SMARCC1: variants seen among roughly 807,000 people sequenced by gnomAD.
SMARCC1 encodes the protein SWI/SNF related BAF chromatin remodeling complex subunit C1.
Under a neutral mutation model 147.4 loss-of-function variants are expected in SMARCC1, and 43 were observed. The ratio of observed to expected loss-of-function variants is 0.29; its 90% confidence interval spans 0.23 to 0.38. The LOEUF is 0.38. SMARCC1 is among the 10% of genes least tolerant of loss of function. The pLI is 1.00. For missense variants in SMARCC1, 1,119 were observed against 1,381.1 expected (o/e 0.81, Z 3.01); for synonymous variants, 495 against 484.4 (o/e 1.02, Z -0.29).
chr3:47,752,769 C>CA (rs1197718723), intron 2 of SMARCC1, among the ~76,000 whole-genome samples: 1 of 151,664 alleles, frequency 6.6e-6, no homozygotes, highest in African/African-American at 2.4e-5. Context: ...AAAAAACAAA[C>CA]AAAAAAAAGT....
chr3:47,639,113 G>A (rs1329918351), intron 21 of SMARCC1, among the ~76,000 whole-genome samples: 1 of 152,134 alleles, frequency 6.6e-6, no homozygotes, highest in Non-Finnish European at 1.5e-5. Context: ...TTGTAGAAAT[G>A]AACTAGGCTG....
In SMARCC1 at chr3:47,704,379, T is replaced by C. The variant is rs577115782; in HGVS notation, c.1040+2030A>G. ...AGGCGTGGTCATTACAAGGCAAATG[T>C]ATTCCATTAAAGTACATGCATACAT... On this transcript the variant is annotated intron_variant, in intron 10 of 27. Coordinates refer to ENST00000254480, the MANE Select transcript of SMARCC1 (RefSeq NM_003074.4). 5.3e-5 allele frequency among the ~76,000 whole-genome samples: 8 copies of C among 152,308 alleles called. No individual in the cohort carries two copies. In the South Asian group the frequency reaches 1.5e-3, roughly 28 times the overall value.
chr3:47,601,562 C>T (rs2032386563), intron 26 of SMARCC1, among the ~76,000 whole-genome samples: 1 of 152,028 alleles, frequency 6.6e-6, no homozygotes, highest in Non-Finnish European at 1.5e-5. Flanking sequence ...ACTGGGCCCT[C>T]ACTGTTCTCT....
In SMARCC1 at chr3:47,638,810, C is replaced by G. The variant is rs202043676; in HGVS notation, c.2321-30G>C. The G allele has an allele frequency of 1.4e-5, 21 of 1,519,974 alleles. No individual in the cohort carries two copies. In the Admixed American group the frequency reaches 1.5e-4, roughly 11 times the overall value. 94.2% of individuals were successfully genotyped at this position (1,519,974 alleles called of 1,614,324 possible). A position where few individuals can be genotyped will look rare whatever the true frequency, so the allele number is the denominator to read the frequency against. ...AAGTAAAAGAATAAGAACAAGTACTCCAATGTGGAAAAAGGTAAAAGCTAT... is the reference window on the plus strand; with the variant it reads ...AAGTAAAAGAATAAGAACAAGTACTGCAATGTGGAAAAAGGTAAAAGCTAT... On this transcript the variant is annotated intron_variant, in intron 21 of 27. Transcript: ENST00000254480.
At chr3:47,691,986 G>A (rs757914071) in intron 12 of SMARCC1, among the ~76,000 whole-genome samples, 1 of 152,106 alleles carries the variant, frequency 6.6e-6, no homozygotes, top group Admixed American at 6.6e-5. Context: ...GTAACAGACC[G>A]AGGCTCCGTC....
chr3:47,609,724 T>G (rs916344388), intron 26 of SMARCC1, among the ~76,000 whole-genome samples: 20 of 152,204 alleles, frequency 1.3e-4, no homozygotes, highest in Admixed American at 3.3e-4. Flanking sequence ...TGAAACCAGG[T>G]CATGGGAGTT....
rs572395429 is a variant in SMARCC1, at chr3:47,758,378, C to T, written c.316-12385G>A. ...TCAAGCAATCTTCCCACTTCAGCCT[C>T]GCAAAAAAAAAAAAACAAAAACTAG... is the stretch of plus-strand genomic sequence containing the variant. On this transcript the variant is annotated intron_variant, in intron 2 of 27. Transcript: ENST00000254480. Among the ~76,000 whole-genome samples, 13 of 146,014 alleles carry T rather than the reference C, an allele frequency of 8.9e-5. No individual in the cohort carries two copies. In the East Asian group the frequency reaches 2.4e-3, roughly 26 times the overall value.
In SMARCC1 at chr3:47,772,800, T is replaced by C; in HGVS notation, c.315+17A>G. 1 of 1,603,310 alleles carries C rather than the reference T, an allele frequency of 6.2e-7. No homozygotes were observed. Among genetic ancestry groups the C allele is most frequent in the Non-Finnish European group, 8.5e-7 (1 of 1,173,170 alleles). On this transcript the variant is annotated intron_variant, in intron 2 of 27. Transcript: ENST00000254480. Reference sequence around the variant, plus strand: ...GCAACTGAGGATGCCCAAATAACAGTAAGCTGATGTACTTACAGGGAGTTT... The same window carrying C: ...GCAACTGAGGATGCCCAAATAACAGCAAGCTGATGTACTTACAGGGAGTTT...
intron 12 of SMARCC1, among the ~76,000 whole-genome samples, chr3:47,692,961 T>C (rs183754577): frequency 1.4e-3 from 207 of 151,920 alleles, no homozygotes; most frequent in African/African-American, 4.7e-3. Flanking sequence ...GAGGTTGCAG[T>C]GAGCCCTGGG....
chr3:47,775,679 G>A (rs933295451), intron 1 of SMARCC1, among the ~76,000 whole-genome samples: 1 of 151,672 alleles, frequency 6.6e-6, no homozygotes, highest in African/African-American at 2.4e-5. Flanking sequence ...GGCTGAGGGA[G>A]GAGAATCGCT....
chr3:47,697,094 G>C (rs1006004672), intron 11 of SMARCC1, among the ~76,000 whole-genome samples: 1 of 152,148 alleles, frequency 6.6e-6, no homozygotes, highest in South Asian at 2.1e-4. Flanking sequence ...GCTGAGGAGG[G>C]TAGATTGCTT....
intron 1 of SMARCC1, 25 bp downstream of exon 1, chr3:47,781,578 G>T (rs1007731518): frequency 6.7e-7 from 1 of 1,486,658 alleles, no homozygotes; most frequent in Non-Finnish European, 8.9e-7. Flanking sequence ...GTGGTCTCCC[G>T]GCCCCCACGG....
At chr3:47,730,711 A>G (rs2034363744) in intron 5 of SMARCC1, among the ~76,000 whole-genome samples, 1 of 151,920 alleles carries the variant, frequency 6.6e-6, no homozygotes, top group African/African-American at 2.4e-5. Context: ...TTAAAAATAC[A>G]AAAAATTAGC....
chr3:47,615,019 T>C (rs1288953058), intron 25 of SMARCC1, among the ~76,000 whole-genome samples: 1 of 152,160 alleles, frequency 6.6e-6, no homozygotes, highest in East Asian at 1.9e-4. Flanking sequence ...GCACTGGCTG[T>C]TTCCAGCACC....
intron 2 of SMARCC1, among the ~76,000 whole-genome samples, chr3:47,770,873 G>C (rs1368669734): frequency 6.6e-6 from 1 of 151,920 alleles, no homozygotes; most frequent in South Asian, 2.1e-4. Context: ...CACATTTACA[G>C]CAAGATCACC....
At chr3:47,711,832 C>T (rs1235553310) in intron 8 of SMARCC1, among the ~76,000 whole-genome samples, 3 of 152,200 alleles carry the variant, frequency 2.0e-5, no homozygotes, top group Non-Finnish European at 4.4e-5. Flanking sequence ...AATTAACAGC[C>T]TGTCCAAGAC....
intron 10 of SMARCC1, 119 bp from the exon 11 acceptor site, chr3:47,701,521 A>G: frequency 2.0e-6 from 2 of 998,588 alleles, no homozygotes; most frequent in African/African-American, 1.6e-5. Context: ...TCACTTTAAA[A>G]GACAAACAGT....
Position 47,729,103 on chromosome 3 carries a change from C to T in SMARCC1, c.577-9G>A. The T allele has an allele frequency of 6.3e-7, 1 of 1,599,832 alleles. No individual in the cohort carries two copies. Among genetic ancestry groups the T allele is most frequent in the Non-Finnish European group, 8.6e-7 (1 of 1,169,144 alleles). On this transcript the variant is annotated splice_polypyrimidine_tract_variant and intron_variant, in intron 5 of 27. Coordinates refer to ENST00000254480, the MANE Select transcript of SMARCC1 (RefSeq NM_003074.4). ...TCATCCGTAAATGTTCCCTGGAAAGCAAATGAACAAAAACCACAAAAATAA... is the reference window on the plus strand; with the variant it reads ...TCATCCGTAAATGTTCCCTGGAAAGTAAATGAACAAAAACCACAAAAATAA...
At chr3:47,756,464 C>T (rs539086497) in intron 2 of SMARCC1, among the ~76,000 whole-genome samples, 11 of 134,914 alleles carry the variant, frequency 8.2e-5, no homozygotes, top group African/African-American at 2.8e-4. Context: ...ACCCGGGAGG[C>T]GGAGGTTGCA....
Sources: allele counts gnomAD v4.1 joint callset (sites outside exome capture counted in the v4.1 genomes callset), GRCh38; gene constraint gnomAD v4.1.1; transcripts MANE v1.5; gene names NCBI Gene and HGNC (gene_info 2026-07-23, HGNC 2026-07-21).